Variants in NAV3 observed in about 807,000 individuals in gnomAD.
The protein encoded by NAV3 is neuron navigator 3, also known as pore membrane and/or filament interacting like protein 1.
A neutral mutation model predicts 244.7 loss-of-function variants in NAV3; 87 were observed. The ratio of observed to expected loss-of-function variants is 0.36; its 90% confidence interval spans 0.30 to 0.42. NAV3 has a LOEUF of 0.42. NAV3 is among the 20% of genes least tolerant of loss of function. NAV3 has a pLI of 1.00. For missense variants in NAV3, 2,663 were observed against 2,893.3 expected (o/e 0.92, Z 1.83); for synonymous variants, 1,126 against 1,042.2 (o/e 1.08, Z -1.55).
chr12:77,748,606 G>A (rs1868678557), intron 2 of NAV3, among the ~76,000 whole-genome samples: 1 of 152,124 alleles, frequency 6.6e-6, no homozygotes, highest in Non-Finnish European at 1.5e-5. Context: ...ATGAAACTGA[G>A]GACATGATGC....
intron 1 of NAV3, among the ~76,000 whole-genome samples, chr12:77,934,798 A>G (rs1889167302): frequency 6.6e-6 from 1 of 152,210 alleles, no homozygotes; most frequent in Non-Finnish European, 1.5e-5. Context: ...ATAGAAATGT[A>G]ATGCTACTGC....
intron 2 of NAV3, among the ~76,000 whole-genome samples, chr12:77,706,092 TCTAA>T (rs1216596796): frequency 2.6e-5 from 4 of 151,270 alleles, no homozygotes; most frequent in Admixed American, 6.6e-5. Flanking sequence ...TTAAACAAAC[TCTAA>T]CTTTTATGAT....
chr12:78,178,442 C>T (rs563851945), intron 28 of NAV3, among the ~76,000 whole-genome samples: 5 of 151,990 alleles, frequency 3.3e-5, no homozygotes, highest in East Asian at 3.9e-4. Flanking sequence ...ATTACAGGTG[C>T]GAGCCACCCC....
chr12:78,128,679 A>C, intron 17 of NAV3, 27 bp from the exon 18 acceptor site: 1 of 1,605,762 alleles, frequency 6.2e-7, no homozygotes, highest in South Asian at 1.1e-5. Flanking sequence ...AGATGTGCTT[A>C]AGTGTCATAG....
chr12:77,774,723 C>G (rs956450036), intron 2 of NAV3, among the ~76,000 whole-genome samples: 8 of 152,062 alleles, frequency 5.3e-5, no homozygotes, highest in African/African-American at 1.9e-4. Context: ...ACTTTGCCAC[C>G]CCGCATTTAA....
intron 2 of NAV3, among the ~76,000 whole-genome samples, chr12:77,632,965 A>G (rs2136923995): frequency 6.6e-6 from 1 of 152,256 alleles, no homozygotes; most frequent in East Asian, 1.9e-4. Flanking sequence ...TCTCTTTCAT[A>G]TAACACTGAC....
At chr12:77,732,264 T>A (rs1363493735) in intron 2 of NAV3, among the ~76,000 whole-genome samples, 1 of 151,864 alleles carries the variant, frequency 6.6e-6, no homozygotes, top group Non-Finnish European at 1.5e-5. Flanking sequence ...GTTGGGTTGC[T>A]GATATGGAAT....
chr12:77,872,989 T>C (rs1881209856), intron 1 of NAV3, among the ~76,000 whole-genome samples: 2 of 152,246 alleles, frequency 1.3e-5, no homozygotes, highest in South Asian at 4.1e-4. Context: ...AGGAGGTAAT[T>C]GATCATGGGG....
At chr12:78,043,161 A>G (rs1881179961) in intron 9 of NAV3, among the ~76,000 whole-genome samples, 2 of 151,430 alleles carry the variant, frequency 1.3e-5, no homozygotes, top group Non-Finnish European at 2.9e-5. Flanking sequence ...TTCAACTCCC[A>G]CTTGTGAGTG....
chr12:78,020,271 G>A (rs1490096924), intron 8 of NAV3, among the ~76,000 whole-genome samples: 1 of 152,144 alleles, frequency 6.6e-6, no homozygotes, highest in African/African-American at 2.4e-5. Context: ...TTTGATAAAG[G>A]AAGGAATGGG....
chr12:77,593,525 C>T (rs1369790502), intron 2 of NAV3, among the ~76,000 whole-genome samples: 2 of 151,228 alleles, frequency 1.3e-5, no homozygotes, highest in Non-Finnish European at 2.9e-5. Flanking sequence ...TCTCGGCTCA[C>T]TGCAATCTCC....
chr12:77,824,241 A>ATTTTTTTTTTTTTTTT (rs61710960), intron 2 of NAV3, among the ~76,000 whole-genome samples: 9 of 104,900 alleles, frequency 8.6e-5, no homozygotes, highest in African/African-American at 2.3e-4. Context: ...GCCCAACTAA[A>ATTTTTTTTTTTTTTTT]TTTTTTTTTT....
intron 1 of NAV3, among the ~76,000 whole-genome samples, chr12:77,865,308 A>T (rs532231493): frequency 1.3e-5 from 2 of 152,220 alleles, no homozygotes; most frequent in Non-Finnish European, 2.9e-5. Flanking sequence ...TTTCTATTGA[A>T]TAAGAAAGAA....
intron 12 of NAV3, among the ~76,000 whole-genome samples, chr12:78,101,134 A>G (rs978123539): frequency 6.6e-6 from 1 of 152,178 alleles, no homozygotes; most frequent in East Asian, 1.9e-4. Flanking sequence ...TTCGTTATTG[A>G]TTTATTCCAC....
At chr12:77,890,321 G>A (rs774060161) in intron 1 of NAV3, among the ~76,000 whole-genome samples, 2 of 151,760 alleles carry the variant, frequency 1.3e-5, no homozygotes, top group Non-Finnish European at 1.5e-5. Context: ...TCACCCTGTT[G>A]CCCAGGCTGG....
At chr12:78,201,772 T>G (rs1267544361) in intron 38 of NAV3, among the ~76,000 whole-genome samples, 4 of 152,122 alleles carry the variant, frequency 2.6e-5, no homozygotes. Flanking sequence ...TTTTTACAAC[T>G]ACTATTAGAA....
chr12:77,967,628 T>C (rs1892633626), intron 4 of NAV3, among the ~76,000 whole-genome samples: 1 of 152,202 alleles, frequency 6.6e-6, no homozygotes, highest in Admixed American at 6.5e-5. Context: ...TAAAATATGA[T>C]TACAGGTTGT....
chr12:77,617,032 G>A (rs1871168441), intron 2 of NAV3, among the ~76,000 whole-genome samples: 1 of 152,086 alleles, frequency 6.6e-6, no homozygotes, highest in African/African-American at 2.4e-5. Flanking sequence ...CTATTCTTGT[G>A]AGTTTCCCGA....
At chr12:77,808,610 G>C (rs956634864) in intron 2 of NAV3, among the ~76,000 whole-genome samples, 1 of 152,280 alleles carries the variant, frequency 6.6e-6, no homozygotes, top group East Asian at 1.9e-4. Context: ...GGTGTCTATC[G>C]ACCCCTGCTG....
Sources: allele counts gnomAD v4.1 joint callset (sites outside exome capture counted in the v4.1 genomes callset), GRCh38; gene constraint gnomAD v4.1.1; transcripts MANE v1.5; gene names NCBI Gene and HGNC (gene_info 2026-07-23, HGNC 2026-07-21).